ADA: variants seen among roughly 807,000 people sequenced by gnomAD.
The protein encoded by ADA is adenosine deaminase.
In ADA, 45 loss-of-function variants were observed where a neutral mutation model predicts 49.0. The ratio of observed to expected loss-of-function variants is 0.92; its 90% confidence interval spans 0.72 to 1.18. The LOEUF (loss-of-function observed/expected upper bound fraction) is 1.18, where lower values mean the gene tolerates loss of function less well. Ranked by LOEUF, ADA falls within the 50% of genes most tolerant of loss-of-function variation. ADA has a pLI of 0.00. For synonymous variants in ADA, 173 were observed against 184.2 expected (o/e 0.94, Z 0.49); for missense variants, 445 against 472.5 (o/e 0.94, Z 0.54).
chr20:44,644,326 C>T (rs2065568205), intron 1 of ADA, among the ~76,000 whole-genome samples: 1 of 152,086 alleles, frequency 6.6e-6, no homozygotes, highest in Admixed American at 6.5e-5. Context: ...GTCGTGTCCT[C>T]AGCACCTCGC....
At chr20:44,623,789 C>T (rs1490649496) in intron 6 of ADA, 7 of 195,074 alleles carry the variant, frequency 3.6e-5, no homozygotes, top group Middle Eastern at 2.2e-3. Context: ...CCTCTGTCAC[C>T]CAGGCTGGAG....
rs1393701318 is a variant in ADA at position 44,627,656 on chromosome 20, G to A, written c.219-1057C>T. Among the ~76,000 whole-genome samples the A allele has an allele frequency of 2.6e-5, 4 of 152,302 alleles. No individual in the cohort carries two copies. The South Asian group carries it at 6.2e-4, about 24-fold the overall frequency. ...GACCCCTCTGTCTTGGGATGGCTGC[G>A]ACCTCTCAGCTGAGGACCATGCCTA... On this transcript the variant is annotated intron_variant, in intron 3 of 11. Transcript: ENST00000372874.
At chr20:44,630,102 C>T (rs2065420122) in intron 2 of ADA, among the ~76,000 whole-genome samples, 1 of 151,780 alleles carries the variant, frequency 6.6e-6, no homozygotes, top group Non-Finnish European at 1.5e-5. Context: ...AGCACTTTGG[C>T]CTCCCAGGCC....
At chr20:44,636,350 C>A (rs749946263) in intron 1 of ADA, 62 bp from the exon 2 acceptor site, 4 of 1,359,774 alleles carry the variant, frequency 2.9e-6, no homozygotes, top group South Asian at 1.2e-5. Context: ...CCTATGAGTT[C>A]ACGAAGGACC....
chr20:44,621,960 C>A (rs900047450), intron 9 of ADA, among the ~76,000 whole-genome samples: 5 of 152,192 alleles, frequency 3.3e-5, no homozygotes, highest in African/African-American at 1.2e-4. Context: ...AGAGCCGAAG[C>A]CCCTCCCCTT....
At chr20:44,643,106 A>C (rs559230783) in intron 1 of ADA, among the ~76,000 whole-genome samples, 1 of 152,228 alleles carries the variant, frequency 6.6e-6, no homozygotes, top group Non-Finnish European at 1.5e-5. Flanking sequence ...CTGTCAGCCT[A>C]TTCCAGATGA....
intron 3 of ADA, among the ~76,000 whole-genome samples, chr20:44,628,386 G>T (rs2047928720): frequency 6.6e-6 from 1 of 152,134 alleles, no homozygotes; most frequent in African/African-American, 2.4e-5. Context: ...CATTAGTTGG[G>T]TGTGATGGTG....
At chr20:44,643,201 C>T (rs2065554433) in intron 1 of ADA, among the ~76,000 whole-genome samples, 1 of 152,234 alleles carries the variant, frequency 6.6e-6, no homozygotes, top group African/African-American at 2.4e-5. Context: ...TGAGTATCTA[C>T]TATGTGCTAG....
At chr20:44,624,011 G>C in intron 6 of ADA, 191 bp downstream of exon 6, 1 of 747,514 alleles carries the variant, frequency 1.3e-6, no homozygotes, top group Non-Finnish European at 2.2e-6. Flanking sequence ...CTCCCAAAGT[G>C]CTGGGATCAC....
intron 1 of ADA, among the ~76,000 whole-genome samples, chr20:44,641,929 G>A (rs766633385): frequency 1.3e-5 from 2 of 151,740 alleles, no homozygotes; most frequent in Admixed American, 6.6e-5. Context: ...CACCATGCCC[G>A]GCTAATTTTT....
chr20:44,646,013 C>T (rs767008177), intron 1 of ADA, among the ~76,000 whole-genome samples: 5 of 152,114 alleles, frequency 3.3e-5, no homozygotes, highest in East Asian at 1.9e-4. Flanking sequence ...CCTCACTCTG[C>T]GCCCACAGCC....
chr20:44,646,024 T>G (rs534196556), intron 1 of ADA, among the ~76,000 whole-genome samples: 6 of 152,234 alleles, frequency 3.9e-5, no homozygotes, highest in Admixed American at 1.3e-4. Flanking sequence ...GCCCACAGCC[T>G]GCTCCTCTCC....
chr20:44,621,709 T>C (rs1472669512), intron 9 of ADA, among the ~76,000 whole-genome samples: 1 of 152,230 alleles, frequency 6.6e-6, no homozygotes, highest in African/African-American at 2.4e-5. Context: ...CACTTTTGAC[T>C]TTCCTCCTAC....
chr20:44,636,254 T>C lies in ADA; in HGVS notation c.68A>G (p.Lys23Arg). The stretch of plus-strand genomic sequence containing the variant: ...GCCATAGTATAAGATGGTTTCAGGC[T>C]TGATGGATCCGTCTAGGTGGACATG... ...ELHVHLDGSI[K>R]PETILYYGRR... Residue 23 changes from lysine to arginine, a missense_variant, in exon 2 of 12, where the codon AAG (lysine) becomes AGG (arginine). Transcript: ENST00000372874. 1 of 1,610,568 alleles carries C rather than the reference T, an allele frequency of 6.2e-7. No individual in the cohort carries two copies. The highest frequency in any genetic ancestry group is 8.5e-7 in the Non-Finnish European group (1 of 1,178,302).
At chr20:44,623,807 G>T in intron 6 of ADA, 1 of 266,564 alleles carries the variant, frequency 3.8e-6, no homozygotes, top group South Asian at 3.6e-5. Context: ...GAGTGCAGTC[G>T]CATTATCACA....
In ADA at chr20:44,625,647, C is replaced by T; in HGVS notation, c.400G>A (p.Gly134Ser). 1.9e-6 allele frequency: 3 copies of T among 1,574,626 alleles called. No individual in the cohort carries two copies. The highest frequency in any genetic ancestry group is 1.2e-5 in the South Asian group (1 of 85,894). ...LTPDEVVALV[G>S]QGLQEGERDF... Reference sequence around the variant, plus strand: ...CGCTCCCCCTCCTGCAGGCCCTGGCCCACTAGGGCCACCACCTCGTCTGGG... The same window carrying T: ...CGCTCCCCCTCCTGCAGGCCCTGGCTCACTAGGGCCACCACCTCGTCTGGG... Residue 134 changes from glycine to serine, a missense_variant, in exon 5 of 12, where the codon GGC (glycine) becomes AGC (serine). By Grantham distance (56) the Gly-to-Ser change is moderately conservative (BLOSUM62 0). Transcript: ENST00000372874.
At chr20:44,623,150 G>A in intron 6 of ADA, 72 bp from the exon 7 acceptor site, 1 of 1,604,860 alleles carries the variant, frequency 6.2e-7, no homozygotes, top group Admixed American at 1.7e-5. Context: ...TGACCATGCT[G>A]TGGAGATTGA....
At chr20:44,645,110 C>T (rs536323604) in intron 1 of ADA, among the ~76,000 whole-genome samples, 12 of 152,180 alleles carry the variant, frequency 7.9e-5, no homozygotes, top group Admixed American at 7.2e-4. Context: ...GGGCCAGGTG[C>T]GGTGGCTCAC....
chr20:44,633,194 G>T lies in ADA; in HGVS notation c.95+3033C>A, dbSNP rs112342967. Among the ~76,000 whole-genome samples the T allele has an allele frequency of 4.8e-3, 733 of 152,286 alleles. 5 individuals carry two copies. The highest frequency in any genetic ancestry group is 0.016 in the African/African-American group (675 of 41,570). The stretch of plus-strand genomic sequence containing the variant: ...TTACCACATCATCCCAGGCAGGAGC[G>T]CTCCCCTCTAAGGCCCTTGGTGCCC... On this transcript the variant is annotated intron_variant, in intron 2 of 11. Coordinates refer to ENST00000372874, the MANE Select transcript of ADA (RefSeq NM_000022.4).
Sources: allele counts gnomAD v4.1 joint callset (sites outside exome capture counted in the v4.1 genomes callset), GRCh38; gene constraint gnomAD v4.1.1; transcripts MANE v1.5; gene names NCBI Gene and HGNC (gene_info 2026-07-23, HGNC 2026-07-21).